The following TLE1 variants were observed in gnomAD, a reference collection of about 807,000 sequenced individuals.
TLE1 encodes the protein TLE family member 1, transcriptional corepressor.
TLE1 carries 21 observed loss-of-function variants against 89.8 expected under a neutral mutation model. That is an observed-to-expected ratio of 0.23 (90% CI 0.17 to 0.34). The LOEUF (loss-of-function observed/expected upper bound fraction) is 0.34. Among genes scored for constraint, TLE1 ranks in the 10% least tolerant of loss-of-function variants. TLE1 has a pLI of 1.00. For missense variants in TLE1, 795 were observed against 1,031.2 expected (o/e 0.77, Z 3.14); for synonymous variants, 447 against 407.6 (o/e 1.10, Z -1.16).
intron 14 of TLE1, among the ~76,000 whole-genome samples, chr9:81,604,929 C>T (rs78850209): frequency 0.094 from 14,276 of 152,212 alleles, 857 homozygotes; most frequent in Non-Finnish European, 0.14. Context: ...CCCTATCACC[C>T]ACTGCTCTGC....
At chr9:81,633,293 GTGT>G in intron 8 of TLE1, 52 bp downstream of exon 8, 1 of 252,814 alleles carries the variant, frequency 4.0e-6, no homozygotes, top group South Asian at 9.6e-5. Context: ...GGGACCGTGT[GTGT>G]GTGTGTGTGT....
intron 4 of TLE1, among the ~76,000 whole-genome samples, chr9:81,660,903 T>G (rs948657584): frequency 6.8e-6 from 1 of 146,102 alleles, no homozygotes; most frequent in African/African-American, 2.5e-5. Context: ...AAGACCATTC[T>G]GGCTAACACG....
intron 14 of TLE1, among the ~76,000 whole-genome samples, chr9:81,602,254 C>T (rs1016214655): frequency 1.3e-5 from 2 of 152,240 alleles, no homozygotes; most frequent in African/African-American, 4.8e-5. Flanking sequence ...GACATGGCAC[C>T]GGAAAAGCAG....
intron 8 of TLE1, among the ~76,000 whole-genome samples, chr9:81,632,665 T>C (rs1457119255): frequency 1.3e-5 from 2 of 152,130 alleles, no homozygotes; most frequent in African/African-American, 2.4e-5. Context: ...CATGTACAGA[T>C]CAAATGTACA....
At position 81,611,771 on chromosome 9, in the gene TLE1, T is replaced by C. The variant is rs749393803; in HGVS notation, c.1252A>G (p.Met418Val). 7.9e-6 allele frequency: 12 copies of C among 1,527,434 alleles called. No individual in the cohort carries two copies. The East Asian group carries it at 2.3e-4, about 30-fold the overall frequency. 94.6% of individuals were successfully genotyped at this position (1,527,434 alleles called of 1,614,324 possible). A position where few individuals can be genotyped will look rare whatever the true frequency, so the allele number is the denominator to read the frequency against. Residue 418 changes from methionine (M) to valine (V), a missense_variant and splice_region_variant, in exon 13 of 20, where the codon ATG becomes GTG. By Grantham distance (21) the Met-to-Val change is conservative (BLOSUM62 1). This residue lies in a region of TLE1 where 468 missense variants were observed against 509.1 expected (regional missense o/e 0.92). Transcript: ENST00000376499. Reference sequence around the variant, plus strand: ...CAGCCCACCCGACAGCGGCCTACCATGGGGGAGCGCCCGTAGGCCACCACG... The same window carrying C: ...CAGCCCACCCGACAGCGGCCTACCACGGGGGAGCGCCCGTAGGCCACCACG... ...AAVVAYGRSPMVGFDPPPHMR... is the reference protein window; with the variant it reads ...AAVVAYGRSPVVGFDPPPHMR...
At chr9:81,629,300 AAATT>A (rs1409424918) in intron 8 of TLE1, among the ~76,000 whole-genome samples, 1 of 110,310 alleles carries the variant, frequency 9.1e-6, no homozygotes, top group East Asian at 7.8e-4. Flanking sequence ...ATTTATCCTT[AAATT>A]AATTAAAATA....
chr9:81,614,146 G>A (rs1824101962), intron 11 of TLE1, among the ~76,000 whole-genome samples: 1 of 151,968 alleles, frequency 6.6e-6, no homozygotes, highest in Non-Finnish European at 1.5e-5. Flanking sequence ...CTGACCTCGT[G>A]ATCCACCCGC....
intron 4 of TLE1, among the ~76,000 whole-genome samples, chr9:81,680,774 G>T: frequency 6.6e-6 from 1 of 152,068 alleles, no homozygotes. Flanking sequence ...CAATCTTGAT[G>T]ACAGCTACCC....
At chr9:81,616,198 A>G in intron 10 of TLE1, 64 bp from the exon 11 acceptor site, 1 of 1,540,426 alleles carries the variant, frequency 6.5e-7, no homozygotes, top group Non-Finnish European at 8.7e-7. Context: ...TTCCCTTTCC[A>G]CACTCATTCT....
intron 4 of TLE1, among the ~76,000 whole-genome samples, chr9:81,669,655 G>A (rs1319680924): frequency 6.6e-6 from 1 of 152,006 alleles, no homozygotes; most frequent in Non-Finnish European, 1.5e-5. Flanking sequence ...AGGAAGGGCA[G>A]TTCCAAAAAC....
intron 14 of TLE1, among the ~76,000 whole-genome samples, chr9:81,600,915 A>C (rs1482852056): frequency 6.6e-6 from 1 of 152,184 alleles, no homozygotes; most frequent in African/African-American, 2.4e-5. Context: ...GCTCTCGATT[A>C]TCAGTGCTAC....
rs1024614898 is a variant in TLE1 at position 81,686,709 on chromosome 9, T to A, written c.125+625A>T. On this transcript the variant is annotated intron_variant, in intron 2 of 19. Coordinates refer to ENST00000376499, the MANE Select transcript of TLE1 (RefSeq NM_005077.5). The stretch of plus-strand genomic sequence containing the variant: ...AAAGTATTTTACAAAAATTTATAAG[T>A]CCTTTGAAGGTAAGTCTCATTACTT... 3.9e-5 allele frequency among the ~76,000 whole-genome samples: 6 copies of A among 152,172 alleles called. No individual in the cohort carries two copies. In the East Asian group the frequency reaches 1.2e-3, roughly 29 times the overall value.
intron 1 of TLE1, among the ~76,000 whole-genome samples, 184 bp downstream of exon 1, chr9:81,688,033 G>C (rs916665423): frequency 1.3e-5 from 2 of 152,024 alleles, no homozygotes; most frequent in Non-Finnish European, 1.5e-5. Context: ...CAAAGGGAGG[G>C]AGAAAATTAA....
intron 16 of TLE1, among the ~76,000 whole-genome samples, chr9:81,588,845 T>C (rs1443452208): frequency 6.6e-6 from 1 of 152,202 alleles, no homozygotes; most frequent in Non-Finnish European, 1.5e-5. Flanking sequence ...AAAGTTACCA[T>C]GCTGCTTCTT....
chr9:81,660,978 C>CACCCACACACACACACA (rs140689682), intron 4 of TLE1, among the ~76,000 whole-genome samples: 1 of 121,758 alleles, frequency 8.2e-6, no homozygotes, highest in Non-Finnish European at 1.8e-5. Flanking sequence ...CACACACACA[C>CACCCACACACACACACA]ATTTAGCCTG....
At chr9:81,626,082 T>C (rs534383968) in intron 8 of TLE1, among the ~76,000 whole-genome samples, 1 of 152,170 alleles carries the variant, frequency 6.6e-6, no homozygotes, top group Non-Finnish European at 1.5e-5. Context: ...AACCCATTCA[T>C]GCATACAGCA....
intron 16 of TLE1, 27 bp downstream of exon 16, chr9:81,590,778 C>G (rs778808759): frequency 6.2e-7 from 1 of 1,605,086 alleles, no homozygotes; most frequent in Admixed American, 1.7e-5. Flanking sequence ...GAAGCGAACC[C>G]CTCCTTAGAC....
At chr9:81,610,580 G>A (rs967025947) in intron 13 of TLE1, among the ~76,000 whole-genome samples, 4 of 152,132 alleles carry the variant, frequency 2.6e-5, no homozygotes, top group African/African-American at 7.2e-5. Flanking sequence ...TTGCAAGCAA[G>A]TTCACAGAGC....
At chr9:81,631,143 C>CTTATAGA (rs1826545067) in intron 8 of TLE1, among the ~76,000 whole-genome samples, 6 of 152,162 alleles carry the variant, frequency 3.9e-5, no homozygotes, top group Admixed American at 3.3e-4. Flanking sequence ...GACTGCTAAC[C>CTTATAGA]CTAACTTATA....
Sources: gnomAD v4.1 joint callset for allele counts (sites outside exome capture counted in the v4.1 genomes callset) on GRCh38, gnomAD v4.1.1 for gene constraint, gnomAD v4.1.1 regional missense constraint, MANE v1.5 for transcripts, NCBI Gene and HGNC (gene_info 2026-07-23, HGNC 2026-07-21) for gene names.